Variants in SETD4 observed in about 807,000 individuals in gnomAD.
The protein encoded by SETD4 is SET domain containing 4, also known as SET domain-containing protein 4.
SETD4 carries 46 observed loss-of-function variants against 58.3 expected under a neutral mutation model. The observed-to-expected ratio is 0.79, with a 90% confidence interval of 0.62 to 1.01. The LOEUF (loss-of-function observed/expected upper bound fraction) is 1.01, where lower values mean the gene tolerates loss of function less well. Ranked by LOEUF, SETD4 falls within the 50% of genes least tolerant of loss-of-function variation. The pLI, the probability that SETD4 is intolerant of heterozygous loss-of-function variation, is 0.00. For synonymous variants in SETD4, 190 were observed against 202.6 expected (o/e 0.94, Z 0.53); for missense variants, 490 against 523.3 (o/e 0.94, Z 0.62).
rs1363218201 is a variant in SETD4, at chr21:36,038,178, A to G, written c.1160T>C (p.Ile387Thr). The change falls in exon 10 of 12, where the codon ATA becomes ACA. Residue 387 changes from isoleucine (I) to threonine (T), a missense_variant. Physicochemically the swap from Ile to Thr is moderately conservative, Grantham distance 89. Transcript: ENST00000332131. ...TTGAAGCACAGCATTAGTCTCTTCT[A>G]TGAAATAATAGCATATTTTCTGGGC... is the stretch of plus-strand genomic sequence containing the variant. ...DIAQKICYYF[I>T]EETNAVLQKV... 1.2e-6 allele frequency: 2 copies of G among 1,613,932 alleles called. No individual in the cohort carries two copies. The highest frequency in any genetic ancestry group is 1.1e-5 in the South Asian group (1 of 90,968).
chr21:36,044,561 A>G (rs1204151139), intron 6 of SETD4, among the ~76,000 whole-genome samples: 1 of 152,196 alleles, frequency 6.6e-6, no homozygotes, highest in African/African-American at 2.4e-5. Context: ...CACACTCCTG[A>G]TATTATTTCG....
chr21:36,058,789 T>C, intron 2 of SETD4, 27 bp downstream of exon 2: 2 of 1,571,566 alleles, frequency 1.3e-6, no homozygotes, highest in South Asian at 2.4e-5. Context: ...TCTTTTTTCA[T>C]TACTGGTACT....
intron 9 of SETD4, among the ~76,000 whole-genome samples, chr21:36,039,233 C>A (rs1164738005): frequency 3.3e-5 from 5 of 151,634 alleles, no homozygotes; most frequent in African/African-American, 1.2e-4. Flanking sequence ...CACGATAATC[C>A]GCATGCTAGA....
intron 9 of SETD4, among the ~76,000 whole-genome samples, chr21:36,038,908 G>C (rs1448937034): frequency 2.0e-5 from 3 of 152,060 alleles, no homozygotes; most frequent in Non-Finnish European, 2.9e-5. Flanking sequence ...AGGTGGCAGC[G>C]CCAGACCTAG....
intron 9 of SETD4, among the ~76,000 whole-genome samples, chr21:36,038,495 G>C (rs150578753): frequency 9.9e-5 from 15 of 152,270 alleles, no homozygotes; most frequent in East Asian, 1.9e-4. Context: ...AAAAGCACGG[G>C]GGGTGGGTAC....
rs563892077 is a variant in SETD4, at chr21:36,040,806, T to C, written c.984-151A>G. The C allele has an allele frequency of 7.8e-6, 5 of 637,218 alleles. No individual in the cohort carries two copies. In the African/African-American group the frequency reaches 9.2e-5, roughly 12 times the overall value. The allele number at this position is 637,218 out of a possible 1,614,324, so 39.5% of individuals were successfully genotyped here. ...GCCAAAGGACAAGAGAAAATCAGTC[T>C]GCAAATACTTAAGAAGAAAGCCTAA... On this transcript the variant is annotated intron_variant, in intron 8 of 11. Transcript: ENST00000332131.
intron 8 of SETD4, among the ~76,000 whole-genome samples, chr21:36,041,588 T>C (rs548744914): frequency 6.6e-6 from 1 of 152,338 alleles, no homozygotes; most frequent in East Asian, 1.9e-4. Flanking sequence ...TTCTAGCTTG[T>C]ATCTTATGTC....
chr21:36,040,899 G>A (rs1184966893), intron 8 of SETD4, among the ~76,000 whole-genome samples: 1 of 151,966 alleles, frequency 6.6e-6, no homozygotes, highest in Non-Finnish European at 1.5e-5. Flanking sequence ...AGTGCCTCAC[G>A]CCTGTAATCC....
At chr21:36,051,350 C>T (rs2064675137) in intron 4 of SETD4, 1 of 1,550,578 alleles carries the variant, frequency 6.4e-7, no homozygotes, top group Non-Finnish European at 8.8e-7. Flanking sequence ...AGCTGCTAGC[C>T]AATGAAATCA....
chr21:36,053,341 C>T (rs1180217430), intron 4 of SETD4: 2 of 564,690 alleles, frequency 3.5e-6, no homozygotes, highest in Non-Finnish European at 6.3e-6. Flanking sequence ...CAGCCTACTC[C>T]AAGCTTGTTT....
At chr21:36,050,363 G>A in intron 4 of SETD4, 2 of 1,613,728 alleles carry the variant, frequency 1.2e-6, no homozygotes, top group Non-Finnish European at 1.7e-6. Flanking sequence ...TGGATGAGGT[G>A]GTGCTGACAA....
At chr21:36,058,962 G>A in intron 1 of SETD4, 38 bp from the exon 2 acceptor site, 2 of 1,506,708 alleles carry the variant, frequency 1.3e-6, no homozygotes, top group Non-Finnish European at 1.8e-6. Flanking sequence ...AATTTCTGTG[G>A]AAATGCTCAA....
chr21:36,057,116 A>T lies in SETD4; in HGVS notation c.162T>A (p.Cys54Ter). The change falls in exon 3 of 12, where the codon TGT (cysteine) becomes TGA (stop). Residue 54 changes from cysteine to a stop codon, truncating the protein, a stop_gained. Coordinates refer to ENST00000332131, the MANE Select transcript of SETD4 (RefSeq NM_017438.5). LOFTEE classifies it high-confidence loss of function. The stretch of plus-strand genomic sequence containing the variant: ...CTGAAGGCTAGATCTTACCTGGAAA[A>T]CAAGCAGGCGCTAAGTTTGAATCTT... Reference protein sequence around the residue: ...KFQDSNLAPACFPGTGRGLMS... With the variant: ...KFQDSNLAPA 1 of 1,614,006 alleles carries T rather than the reference A, an allele frequency of 6.2e-7. No individual in the cohort carries two copies. The highest frequency in any genetic ancestry group is 8.5e-7 in the Non-Finnish European group (1 of 1,179,882).
At chr21:36,045,115 G>A (rs543648245) in intron 6 of SETD4, among the ~76,000 whole-genome samples, 1 of 152,284 alleles carries the variant, frequency 6.6e-6, no homozygotes, top group South Asian at 2.1e-4. Context: ...TGACAAAGAG[G>A]AACAAGACAA....
At chr21:36,038,390 A>C (rs2123513800) in intron 9 of SETD4, 117 bp from the exon 10 acceptor site, 257 of 1,268,686 alleles carry the variant, frequency 2.0e-4, no homozygotes, top group Non-Finnish European at 2.5e-4. Flanking sequence ...AATACAACTC[A>C]TTCCATAAGC....
At chr21:36,050,916 G>C (rs2064646458) in intron 4 of SETD4, 1 of 1,610,404 alleles carries the variant, frequency 6.2e-7, no homozygotes, top group Non-Finnish European at 8.5e-7. Context: ...CTCATTAGGT[G>C]GTGTGGGGAT....
At chr21:36,041,693 C>A (rs1318839253) in intron 8 of SETD4, 114 bp downstream of exon 8, 1 of 678,156 alleles carries the variant, frequency 1.5e-6, no homozygotes, top group Non-Finnish European at 2.5e-6. Context: ...CAATACCTAC[C>A]CGTCAGCTGA....
chr21:36,050,351 G>A (rs2064595861), intron 4 of SETD4: 1 of 1,613,558 alleles, frequency 6.2e-7, no homozygotes, highest in African/African-American at 1.3e-5. Context: ...GGGCTGTGGT[G>A]ATGGATGAGG....
chr21:36,049,388 C>G (rs2064526430), intron 4 of SETD4, among the ~76,000 whole-genome samples: 1 of 152,098 alleles, frequency 6.6e-6, no homozygotes, highest in African/African-American at 2.4e-5. Flanking sequence ...AACCACATCT[C>G]TACTAAAAAT....
Sources: allele counts gnomAD v4.1 joint callset (sites outside exome capture counted in the v4.1 genomes callset), GRCh38; gene constraint gnomAD v4.1.1; transcripts MANE v1.5; gene names NCBI Gene and HGNC (gene_info 2026-07-23, HGNC 2026-07-21).